RAD51B: variants seen among roughly 807,000 people sequenced by gnomAD.
RAD51B encodes the protein DNA repair protein RAD51 homolog 2.
A neutral mutation model predicts 42.2 loss-of-function variants in RAD51B; 38 were observed. The ratio of observed to expected loss-of-function variants is 0.90; its 90% confidence interval spans 0.70 to 1.18. RAD51B has a LOEUF of 1.18. RAD51B is among the 50% of genes most tolerant of loss of function. The probability of loss-of-function intolerance (pLI) is 0.00; values close to 1 mark genes in which losing one functional copy is unlikely to be tolerated. For missense variants in RAD51B, 373 were observed against 400.7 expected (o/e 0.93, Z 0.59); for synonymous variants, 154 against 145.2 (o/e 1.06, Z -0.43).
At chr14:68,536,159 C>T (rs1444979506) in intron 10 of RAD51B, among the ~76,000 whole-genome samples, 1 of 152,160 alleles carries the variant, frequency 6.6e-6, no homozygotes, top group Non-Finnish European at 1.5e-5. Context: ...TTCTTTTTGT[C>T]CCTCTGTTCA....
chr14:68,098,905 GAGGTGGTTCTGGGC>G (rs1291708434), intron 7 of RAD51B, among the ~76,000 whole-genome samples: 1 of 152,196 alleles, frequency 6.6e-6, no homozygotes, highest in East Asian at 1.9e-4. Flanking sequence ...TGTTGCTGGG[GAGGTGGTTCTGGGC>G]AGAGAGAACA....
At chr14:68,595,701 C>A in exon 11 of RAD51B, 1 of 861,720 alleles carries the variant, frequency 1.2e-6, no homozygotes, top group Non-Finnish European at 1.4e-6. Context: ...AAATTAACAT[C>A]TATACGATGG....
At chr14:68,321,068 A>C (rs116192184) in intron 8 of RAD51B, among the ~76,000 whole-genome samples, 10 of 152,064 alleles carry the variant, frequency 6.6e-5, no homozygotes, top group Admixed American at 3.3e-4. Context: ...CCATTGTGCC[A>C]TGTTTCTCCT....
chr14:68,003,587 G>A (rs2075525470), intron 7 of RAD51B, among the ~76,000 whole-genome samples: 1 of 152,180 alleles, frequency 6.6e-6, no homozygotes, highest in South Asian at 2.1e-4. Flanking sequence ...GGGCATCCTT[G>A]TCTTGTGGCA....
chr14:68,227,013 C>T (rs2080052291), intron 7 of RAD51B, among the ~76,000 whole-genome samples: 1 of 152,148 alleles, frequency 6.6e-6, no homozygotes, highest in Non-Finnish European at 1.5e-5. Context: ...ATGGACTCTT[C>T]CAGGATTTTA....
chr14:67,996,378 C>G (rs2075384121), intron 7 of RAD51B, among the ~76,000 whole-genome samples: 2 of 151,266 alleles, frequency 1.3e-5, no homozygotes, highest in South Asian at 4.2e-4. Context: ...CCTGTGTTGA[C>G]AGAGTGAGAT....
In RAD51B at chr14:68,674,334, A is replaced by G. The variant is rs563908987; in HGVS notation, c.*11+23478A>G. 1.9e-4 allele frequency among the ~76,000 whole-genome samples: 29 copies of G among 152,274 alleles called. 1 individual carries two copies. The South Asian group carries it at 5.6e-3, about 29-fold the overall frequency. On this transcript the variant is annotated intron_variant, in intron 11 of 11. Transcript: ENST00000488612. Reference sequence around the variant, plus strand: ...TCCTAATTACAAAAATAAATACAGAAAAACACTACTAGAAAACAACATGTT... The same window carrying G: ...TCCTAATTACAAAAATAAATACAGAGAAACACTACTAGAAAACAACATGTT...
chr14:68,641,826 G>A (rs554716870), intron 10 of RAD51B, among the ~76,000 whole-genome samples: 33 of 150,816 alleles, frequency 2.2e-4, no homozygotes, highest in African/African-American at 7.1e-4. Context: ...TTCCTGAATT[G>A]CTGGGATTAT....
intron 7 of RAD51B, among the ~76,000 whole-genome samples, chr14:67,917,071 A>C (rs1014802920): frequency 6.6e-6 from 1 of 152,218 alleles, no homozygotes; most frequent in African/African-American, 2.4e-5. Flanking sequence ...ATGCAGTTTT[A>C]AAAGGCTTGC....
intron 10 of RAD51B, among the ~76,000 whole-genome samples, chr14:68,469,942 G>C (rs576981758): frequency 1.3e-5 from 2 of 152,210 alleles, no homozygotes; most frequent in South Asian, 2.1e-4. Context: ...TTTGTGAGAA[G>C]AAGAGTCACT....
At chr14:68,270,057 T>C (rs2081074692) in intron 7 of RAD51B, among the ~76,000 whole-genome samples, 1 of 152,254 alleles carries the variant, frequency 6.6e-6, no homozygotes, top group African/African-American at 2.4e-5. Context: ...AGTCATGTAA[T>C]ACTTTACTAA....
intron 7 of RAD51B, among the ~76,000 whole-genome samples, chr14:68,211,671 ACCTAAGGAAAGTCATTGTCTCTAGG>A (rs1304575973): frequency 6.6e-6 from 1 of 152,188 alleles, no homozygotes; most frequent in East Asian, 1.9e-4. Flanking sequence ...GTGGAAAGTC[ACCTAAGGAAAGTCATTGTCTCTAGG>A]CCAAAGACTG....
At chr14:67,861,081 C>T (rs774156703) in intron 4 of RAD51B, among the ~76,000 whole-genome samples, 1 of 151,864 alleles carries the variant, frequency 6.6e-6, no homozygotes, top group South Asian at 2.1e-4. Flanking sequence ...TAGTTCCAGC[C>T]GCTTGAGTGG....
At chr14:67,965,023 T>G (rs976488559) in intron 7 of RAD51B, among the ~76,000 whole-genome samples, 4 of 152,214 alleles carry the variant, frequency 2.6e-5, no homozygotes, top group Admixed American at 2.0e-4. Flanking sequence ...AAACTTGAAT[T>G]AAATGCACAT....
chr14:68,477,694 G>T lies in RAD51B; in HGVS notation c.*30G>T, dbSNP rs764805487. 7 of 1,610,662 alleles carry T rather than the reference G, an allele frequency of 4.3e-6. No individual in the cohort carries two copies. Among genetic ancestry groups the T allele is most frequent in the Non-Finnish European group, 5.9e-6 (7 of 1,179,046 alleles). ...ACTGTGACCTTTGTCTAGAGTTGATGGGGGTGTGATTTGTGAAATAAAACA... is the reference window on the plus strand; with the variant it reads ...ACTGTGACCTTTGTCTAGAGTTGATTGGGGTGTGATTTGTGAAATAAAACA... On this transcript the variant is annotated 3_prime_UTR_variant, in exon 11 of 11. Transcript: ENST00000471583.
chr14:68,063,816 A>G (rs1595346454), intron 7 of RAD51B, among the ~76,000 whole-genome samples: 1 of 152,186 alleles, frequency 6.6e-6, no homozygotes, highest in Non-Finnish European at 1.5e-5. Context: ...TTTATTATAC[A>G]TTCCACCAGT....
chr14:68,486,022 G>A (rs1220508288), intron 10 of RAD51B, among the ~76,000 whole-genome samples: 1 of 152,202 alleles, frequency 6.6e-6, no homozygotes, highest in Non-Finnish European at 1.5e-5. Flanking sequence ...TATTACTTTT[G>A]TACCTCATCA....
intron 7 of RAD51B, among the ~76,000 whole-genome samples, chr14:68,253,227 C>T (rs1490447472): frequency 2.6e-5 from 4 of 151,858 alleles, no homozygotes. Flanking sequence ...TATTTATTTC[C>T]AGATTTTTTC....
chr14:68,272,595 T>C (rs1340645006), intron 7 of RAD51B, among the ~76,000 whole-genome samples: 1 of 132,910 alleles, frequency 7.5e-6, no homozygotes, highest in East Asian at 2.2e-4. Flanking sequence ...TATAAAAAAT[T>C]GAAATGTTCT....
Sources: gnomAD v4.1 joint callset for allele counts (sites outside exome capture counted in the v4.1 genomes callset) on GRCh38, gnomAD v4.1.1 for gene constraint, MANE v1.5 for transcripts, NCBI Gene and HGNC (gene_info 2026-07-23, HGNC 2026-07-21) for gene names.